APBA1: variants seen among roughly 807,000 people sequenced by gnomAD.
APBA1 encodes the protein amyloid-beta A4 precursor protein-binding family A member 1.
APBA1 carries 55 observed loss-of-function variants against 86.6 expected under a neutral mutation model. That is an observed-to-expected ratio of 0.64 (90% CI 0.51 to 0.80). APBA1 has a LOEUF of 0.80. APBA1 is among the 30% of genes least tolerant of loss of function. APBA1 has a pLI of 0.00. For missense variants in APBA1, 1,090 were observed against 1,183.0 expected, an observed-to-expected ratio of 0.92 and a Z score of 1.15; for synonymous variants, 511 against 493.9, an observed-to-expected ratio of 1.03 and a Z score of -0.46.
At chr9:69,456,813 G>A (rs1411871968) in intron 7 of APBA1, among the ~76,000 whole-genome samples, 1 of 152,172 alleles carries the variant, frequency 6.6e-6, no homozygotes, top group Non-Finnish European at 1.5e-5. Context: ...TGAATTCTCT[G>A]ATTAAAATTT....
intron 1 of APBA1, among the ~76,000 whole-genome samples, chr9:69,606,995 A>C (rs1335734961): frequency 6.6e-6 from 1 of 152,172 alleles, no homozygotes; most frequent in East Asian, 1.9e-4. Context: ...TTTCTAAGAG[A>C]TACAGCAGAA....
intron 4 of APBA1, among the ~76,000 whole-genome samples, chr9:69,468,278 T>C (rs1835312301): frequency 6.6e-6 from 1 of 152,238 alleles, no homozygotes; most frequent in Non-Finnish European, 1.5e-5. Context: ...TGTGAGCTCT[T>C]AGGGGACAAG....
intron 8 of APBA1, among the ~76,000 whole-genome samples, chr9:69,454,585 A>G (rs1835064670): frequency 6.6e-6 from 1 of 152,208 alleles, no homozygotes; most frequent in South Asian, 2.1e-4. Context: ...TTCTGGAGCC[A>G]GCACACTCTG....
At chr9:69,464,235 C>T (rs1189806247) in intron 5 of APBA1, 2 of 152,190 alleles carry the variant, frequency 1.3e-5, no homozygotes, top group African/African-American at 4.8e-5. Context: ...GAAAAGGCTT[C>T]TAGCTGGATA....
chr9:69,635,791 T>C (rs796202897), intron 1 of APBA1, among the ~76,000 whole-genome samples: 6 of 152,184 alleles, frequency 3.9e-5, no homozygotes, highest in African/African-American at 1.4e-4. Context: ...AGCAAGACAA[T>C]ATAACAACTG....
chr9:69,629,185 A>G (rs1036039847), intron 1 of APBA1, among the ~76,000 whole-genome samples: 1 of 152,202 alleles, frequency 6.6e-6, no homozygotes, highest in Non-Finnish European at 1.5e-5. Context: ...GATTCCATCA[A>G]TCTTCTCCTT....
intron 1 of APBA1, among the ~76,000 whole-genome samples, chr9:69,561,761 G>A (rs1232576603): frequency 6.6e-6 from 1 of 151,936 alleles, no homozygotes; most frequent in Non-Finnish European, 1.5e-5. Context: ...CTCTCAAGTA[G>A]CTGGGATTAC....
At chr9:69,541,262 C>CA (rs1564071641) in intron 1 of APBA1, among the ~76,000 whole-genome samples, 1 of 145,478 alleles carries the variant, frequency 6.9e-6, no homozygotes, top group African/African-American at 2.5e-5. Context: ...CCCCCCCCCC[C>CA]ATTCTGTTTT....
chr9:69,542,524 A>G (rs538159679), intron 1 of APBA1, among the ~76,000 whole-genome samples: 1 of 152,322 alleles, frequency 6.6e-6, no homozygotes, highest in Admixed American at 6.5e-5. Context: ...CCATTCACCT[A>G]TCGAAGGACA....
chr9:69,567,572 C>G lies in APBA1; in HGVS notation c.-69-50293G>C, dbSNP rs182745259. On this transcript the variant is annotated intron_variant, in intron 1 of 12. Transcript: ENST00000265381. Reference sequence around the variant, plus strand: ...ATATCTCCTAATGCAATCCCTCCCCCCTCCACAACCCCACAACAGGCCCCG... The same window carrying G: ...ATATCTCCTAATGCAATCCCTCCCCGCTCCACAACCCCACAACAGGCCCCG... Among the ~76,000 whole-genome samples the G allele has an allele frequency of 4.0e-3, 605 of 152,176 alleles. 3 individuals carry two copies. Among genetic ancestry groups the G allele is most frequent in the African/African-American group, 0.013 (552 of 41,508 alleles).
intron 1 of APBA1, among the ~76,000 whole-genome samples, chr9:69,658,172 C>G (rs1449468354): frequency 6.6e-6 from 1 of 152,166 alleles, no homozygotes; most frequent in African/African-American, 2.4e-5. Flanking sequence ...CTTGGTTACC[C>G]TGTAGAGAGG....
At chr9:69,597,978 T>G (rs1477268416) in intron 1 of APBA1, among the ~76,000 whole-genome samples, 1 of 151,906 alleles carries the variant, frequency 6.6e-6, no homozygotes. Flanking sequence ...TAAAGACACA[T>G]GCACACGTAT....
intron 1 of APBA1, among the ~76,000 whole-genome samples, chr9:69,579,595 C>A (rs1251002895): frequency 1.3e-5 from 2 of 152,136 alleles, no homozygotes; most frequent in Non-Finnish European, 2.9e-5. Context: ...TGGCCAAGGT[C>A]ACACAGCTAG....
rs551386566 is a variant in APBA1, at chr9:69,599,476, T to C, written c.-70+72677A>G. ...GACTCACCAAACCAATTTCAAATTG[T>C]TCGGTAAAACACTCTCACATACTCC... On this transcript the variant is annotated intron_variant, in intron 1 of 12. Transcript: ENST00000265381. Among the ~76,000 whole-genome samples, 26 of 152,290 alleles carry C rather than the reference T, an allele frequency of 1.7e-4. No individual in the cohort carries two copies. In the East Asian group the frequency reaches 3.3e-3, roughly 19 times the overall value.
At chr9:69,525,303 T>C (rs112230298) in intron 1 of APBA1, among the ~76,000 whole-genome samples, 2,717 of 152,168 alleles carry the variant, frequency 0.018, 32 homozygotes, top group Admixed American at 0.036. Flanking sequence ...CTCTTTTCCC[T>C]GACAATGTGA....
intron 1 of APBA1, among the ~76,000 whole-genome samples, chr9:69,651,401 A>G (rs1389478539): frequency 6.6e-6 from 1 of 152,158 alleles, no homozygotes; most frequent in Non-Finnish European, 1.5e-5. Context: ...TGTGTAGTTT[A>G]TACACTTTAC....
At chr9:69,474,329 C>G (rs914649385) in intron 3 of APBA1, 11 of 152,158 alleles carry the variant, frequency 7.2e-5, no homozygotes, top group Admixed American at 1.3e-4. Context: ...CCTGGCTGAC[C>G]ACTTGTGAGC....
At chr9:69,543,605 G>A (rs187809762) in intron 1 of APBA1, among the ~76,000 whole-genome samples, 31 of 152,110 alleles carry the variant, frequency 2.0e-4, no homozygotes, top group Admixed American at 1.3e-3. Flanking sequence ...TCTTCTATGC[G>A]CTTAAATATT....
rs115622969 is a variant in APBA1, at chr9:69,487,484, G to A, written c.1201-11341C>T. 9.5e-3 allele frequency among the ~76,000 whole-genome samples: 1,444 copies of A among 152,180 alleles called. 22 individuals are homozygous for A. Among genetic ancestry groups the A allele is most frequent in the African/African-American group, 0.033 (1,360 of 41,538 alleles). ...ACTACTTGTAATGTGCTAAGTTTGA[G>A]TGTGTTCCCTAGAATTCTTGTGTTA... On this transcript the variant is annotated intron_variant, in intron 2 of 12. Coordinates refer to ENST00000265381, the MANE Select transcript of APBA1 (RefSeq NM_001163.4).
Sources: allele counts gnomAD v4.1 joint callset (sites outside exome capture counted in the v4.1 genomes callset), GRCh38; gene constraint gnomAD v4.1.1; transcripts MANE v1.5; gene names NCBI Gene and HGNC (gene_info 2026-07-23, HGNC 2026-07-21).